Variants in PTPRN2 observed in about 807,000 individuals in gnomAD.
The protein encoded by PTPRN2 is receptor-type tyrosine-protein phosphatase N2.
In PTPRN2, 74 loss-of-function variants were observed where a neutral mutation model predicts 118.8. The ratio of observed to expected loss-of-function variants is 0.62; its 90% CI spans 0.52 to 0.76. The LOEUF is 0.76. PTPRN2 is among the 30% of genes least tolerant of loss of function. PTPRN2 has a pLI of 0.00. For synonymous variants in PTPRN2, 641 were observed against 608.0 expected (o/e 1.05, Z -0.80); for missense variants, 1,481 against 1,394.4 (o/e 1.06, Z -0.99).
intron 4 of PTPRN2, among the ~76,000 whole-genome samples, chr7:158,194,345 G>C (rs575256747): frequency 2.2e-4 from 34 of 152,320 alleles, no homozygotes; most frequent in African/African-American, 8.2e-4. Context: ...GTCCATAAAA[G>C]AACGGGCATC....
chr7:157,725,364 TG>T (rs869114518), intron 12 of PTPRN2, among the ~76,000 whole-genome samples: 1 of 9,064 alleles, frequency 1.1e-4, no homozygotes, highest in African/African-American at 6.7e-4. Context: ...CAGAGGAGTG[TG>T]GCCAGACCCT....
At chr7:158,295,338 A>C (rs79761600) in intron 3 of PTPRN2, among the ~76,000 whole-genome samples, 91 of 3,000 alleles carry the variant, frequency 0.03, no homozygotes, top group South Asian at 0.037. Context: ...CCAGACACTG[A>C]ACCACATTGT....
intron 11 of PTPRN2, among the ~76,000 whole-genome samples, chr7:157,902,465 G>C (rs530330133): frequency 7.8e-4 from 106 of 135,514 alleles, no homozygotes; most frequent in African/African-American, 3.1e-3. Context: ...GTGGCCTGGA[G>C]AGTACGTGGA....
intron 2 of PTPRN2, among the ~76,000 whole-genome samples, chr7:158,395,310 G>GGCGAGGGGCGAGGC (rs1812284275): frequency 2.2e-5 from 3 of 135,386 alleles, no homozygotes; most frequent in Non-Finnish European, 1.6e-5. Flanking sequence ...AGGGGCGAGG[G>GGCGAGGGGCGAGGC]GTGAGGGGCG....
At chr7:157,706,730 G>T (rs1478083545) in intron 12 of PTPRN2, among the ~76,000 whole-genome samples, 1 of 151,176 alleles carries the variant, frequency 6.6e-6, no homozygotes, top group Non-Finnish European at 1.5e-5. Flanking sequence ...GGAATTGAGT[G>T]AATCTGACCC....
At chr7:158,447,465 C>T (rs1381061470) in intron 2 of PTPRN2, among the ~76,000 whole-genome samples, 1 of 152,142 alleles carries the variant, frequency 6.6e-6, no homozygotes, top group African/African-American at 2.4e-5. Context: ...CAGGCCAGGG[C>T]GGCACCACCT....
At chr7:158,446,584 T>A (rs1487587080) in intron 2 of PTPRN2, among the ~76,000 whole-genome samples, 1 of 152,178 alleles carries the variant, frequency 6.6e-6, no homozygotes, top group Non-Finnish European at 1.5e-5. Flanking sequence ...AGACCCCACC[T>A]GGACCCTGCC....
intron 2 of PTPRN2, among the ~76,000 whole-genome samples, chr7:158,469,971 A>G (rs948008399): frequency 1.3e-5 from 2 of 151,826 alleles, no homozygotes; most frequent in Non-Finnish European, 2.9e-5. Flanking sequence ...GCATCATAAA[A>G]GAATTGGGAG....
intron 12 of PTPRN2, among the ~76,000 whole-genome samples, chr7:157,789,886 T>TGTGTGTG (rs569022883): frequency 6.7e-6 from 1 of 149,626 alleles, no homozygotes; most frequent in South Asian, 2.1e-4. Context: ...TGTGTGCAGG[T>TGTGTGTG]ATGTGTGTGG....
chr7:158,270,803 C>CCGTCCA lies in PTPRN2; in HGVS notation c.277+46015_277+46016insTGGACG, dbSNP rs1798319195. 5.7e-3 allele frequency among the ~76,000 whole-genome samples: 127 copies of CCGTCCA among 22,144 alleles called. 22 individuals are homozygous for CCGTCCA. The highest frequency in any genetic ancestry group is 0.017 in the African/African-American group (86 of 5,180). The allele number at this position is 22,144 out of a possible 152,430, so 14.5% of individuals were successfully genotyped here. ...GGACCACCCCTCCACCTGGACCACC[C>CCGTCCA]CCTCACCTGGACCGCCCCCTCCACC... On this transcript the variant is annotated intron_variant, in intron 3 of 22. Coordinates refer to ENST00000389418, the MANE Select transcript of PTPRN2 (RefSeq NM_002847.5).
rs765237354 is a variant in PTPRN2 at position 157,803,697 on chromosome 7, G to A, written c.1788+94976C>T. On this transcript the variant is annotated intron_variant, in intron 12 of 22. Coordinates refer to ENST00000389418, the MANE Select transcript of PTPRN2 (RefSeq NM_002847.5). ...TGTGAAGAGGCGACCCTTCCCTATG[G>A]TGTATTCTCCTCATGCTTATGAAGG... 4.7e-4 allele frequency among the ~76,000 whole-genome samples: 72 copies of A among 151,976 alleles called. 1 individual carries two copies. Among genetic ancestry groups the A allele is most frequent in the Non-Finnish European group, 7.7e-4 (52 of 67,942 alleles).
chr7:158,261,369 TTG>T (rs1176792748), intron 3 of PTPRN2, among the ~76,000 whole-genome samples: 1 of 152,018 alleles, frequency 6.6e-6, no homozygotes, highest in Non-Finnish European at 1.5e-5. Context: ...GCACACGAAC[TTG>T]TGAGACACAA....
chr7:158,521,417 C>T (rs1399942960), intron 1 of PTPRN2, among the ~76,000 whole-genome samples: 1 of 152,226 alleles, frequency 6.6e-6, no homozygotes, highest in Admixed American at 6.5e-5. Context: ...CTCCCTGCAT[C>T]TAAATTTAAC....
chr7:157,823,176 T>C (rs1050443912), intron 12 of PTPRN2, among the ~76,000 whole-genome samples: 3 of 152,222 alleles, frequency 2.0e-5, no homozygotes, highest in Admixed American at 6.5e-5. Flanking sequence ...CAGATTTCTA[T>C]TGAGGACCCA....
In PTPRN2 at chr7:157,868,928, C is replaced by T. The variant is rs2151255667; in HGVS notation, c.1788+29745G>A. On this transcript the variant is annotated intron_variant, in intron 12 of 22. Transcript: ENST00000389418. The surrounding 1 kb of genome is among the most constrained non-coding windows in gnomAD (Gnocchi z 5.2). ...GTGAGGCCAGGCCTCCCGCGCCCTC[C>T]ATCTTTCTGCCACCACAGTCGTTTG... The T allele has an allele frequency of 6.6e-6, 1 of 152,332 alleles. No homozygotes were observed. The highest frequency in any genetic ancestry group is 1.5e-5 in the Non-Finnish European group (1 of 68,050). 9.4% of individuals were successfully genotyped at this position (152,332 alleles called of 1,614,324 possible).
At chr7:157,700,999 C>A (rs144034254) in intron 12 of PTPRN2, among the ~76,000 whole-genome samples, 1 of 152,258 alleles carries the variant, frequency 6.6e-6, no homozygotes, top group Non-Finnish European at 1.5e-5. Flanking sequence ...CACACACGCA[C>A]GCTTTCGCAC....
At chr7:158,011,949 G>A (rs139892526) in intron 11 of PTPRN2, among the ~76,000 whole-genome samples, 302 of 151,996 alleles carry the variant, frequency 2.0e-3, no homozygotes, top group African/African-American at 7.0e-3. Flanking sequence ...TCTTTTTTTG[G>A]TTGAAAAACT....
chr7:158,203,293 G>A lies in PTPRN2; in HGVS notation c.380+1878C>T, dbSNP rs187420733. The stretch of plus-strand genomic sequence containing the variant: ...GGAAAGAAAAAGGAAGGAAGGAAGG[G>A]AGGAAGGAAGGAGAAAATTCCAATC... On this transcript the variant is annotated intron_variant, in intron 4 of 22. Coordinates refer to ENST00000389418, the MANE Select transcript of PTPRN2 (RefSeq NM_002847.5). 1.3e-3 allele frequency among the ~76,000 whole-genome samples: 191 copies of A among 148,728 alleles called. 2 individuals carry two copies. Among genetic ancestry groups the A allele is most frequent in the Admixed American group, 0.012 (179 of 14,910 alleles).
At chr7:158,019,836 G>A (rs552362513) in intron 11 of PTPRN2, among the ~76,000 whole-genome samples, 2 of 152,348 alleles carry the variant, frequency 1.3e-5, no homozygotes, top group East Asian at 3.9e-4. Flanking sequence ...GCTCGGCCTT[G>A]GTGTGGCTGG....
Sources: allele counts gnomAD v4.1 joint callset (sites outside exome capture counted in the v4.1 genomes callset), GRCh38; gene constraint gnomAD v4.1.1; non-coding constraint Gnocchi (gnomAD v3.1); transcripts MANE v1.5; gene names NCBI Gene and HGNC (gene_info 2026-07-23, HGNC 2026-07-21).